The following FARSB variants were observed in gnomAD, a reference collection of about 807,000 sequenced individuals.
The protein encoded by FARSB is phenylalanyl-tRNA synthetase subunit beta.
Under a neutral mutation model 69.6 loss-of-function variants are expected in FARSB, and 40 were observed. That is an observed-to-expected ratio of 0.57 (90% CI 0.45 to 0.75). The LOEUF is 0.75. Among genes scored for constraint, FARSB ranks in the 30% least tolerant of loss-of-function variants. The pLI is 0.00. For synonymous variants in FARSB, 235 were observed against 247.2 expected (o/e 0.95, Z 0.46); for missense variants, 632 against 722.9 (o/e 0.87, Z 1.44).
chr2:222,611,543 G>A (rs1181990995), intron 15 of FARSB, among the ~76,000 whole-genome samples: 1 of 152,002 alleles, frequency 6.6e-6, no homozygotes, highest in Non-Finnish European at 1.5e-5. Context: ...AACCTTCTGG[G>A]CTCAAAAGGT....
At chr2:222,598,359 C>A (rs977245462) in intron 16 of FARSB, among the ~76,000 whole-genome samples, 3 of 152,134 alleles carry the variant, frequency 2.0e-5, no homozygotes, top group Non-Finnish European at 2.9e-5. Flanking sequence ...GGAGAAGTCA[C>A]AATATTAAGA....
intron 5 of FARSB, among the ~76,000 whole-genome samples, chr2:222,636,593 C>G (rs971698576): frequency 6.6e-6 from 1 of 151,884 alleles, no homozygotes; most frequent in African/African-American, 2.4e-5. Context: ...GATTAACATT[C>G]CAAATATAGT....
At chr2:222,622,832 C>G in intron 13 of FARSB, among the ~76,000 whole-genome samples, 1 of 152,100 alleles carries the variant, frequency 6.6e-6, no homozygotes, top group Non-Finnish European at 1.5e-5. Flanking sequence ...TGGTGCAGTG[C>G]CTGACATATA....
intron 14 of FARSB, among the ~76,000 whole-genome samples, chr2:222,619,141 CAA>C (rs1050383356): frequency 2.2e-5 from 3 of 133,898 alleles, no homozygotes; most frequent in Non-Finnish European, 1.6e-5. Context: ...GACTCTGTCT[CAA>C]AAAAAAAAAA....
At position 222,634,561 on chromosome 2, in the gene FARSB, G is replaced by C; in HGVS notation, c.456-20C>G. 7 of 1,584,690 alleles carry C rather than the reference G, an allele frequency of 4.4e-6. No homozygotes were observed. The highest frequency in any genetic ancestry group is 6.0e-6 in the Non-Finnish European group (7 of 1,164,686). On this transcript the variant is annotated intron_variant, in intron 5 of 16. Coordinates refer to ENST00000281828, the MANE Select transcript of FARSB (RefSeq NM_005687.5). Reference sequence around the variant, plus strand: ...CTTTTCCTAATTGTTGAGAGGTTGAGGGAGAAGGAGGGAGGAAAGGAAAGG... The same window carrying C: ...CTTTTCCTAATTGTTGAGAGGTTGACGGAGAAGGAGGGAGGAAAGGAAAGG...
At chr2:222,651,855 G>C (rs947847081) in intron 1 of FARSB, among the ~76,000 whole-genome samples, 1 of 152,200 alleles carries the variant, frequency 6.6e-6, no homozygotes, top group Non-Finnish European at 1.5e-5. Context: ...CCAACCAGCT[G>C]TAAAGCACAT....
At chr2:222,643,635 G>A (rs898603188) in intron 2 of FARSB, among the ~76,000 whole-genome samples, 5 of 152,150 alleles carry the variant, frequency 3.3e-5, no homozygotes, top group African/African-American at 1.2e-4. Context: ...GTCCACATGA[G>A]AATGAGAGGG....
At chr2:222,630,361 C>T (rs139646844) in intron 8 of FARSB, among the ~76,000 whole-genome samples, 187 bp from the exon 9 acceptor site, 33 of 152,268 alleles carry the variant, frequency 2.2e-4, no homozygotes, top group Admixed American at 1.6e-3. Flanking sequence ...TCTGCATTTA[C>T]GCAGTTCTCT....
chr2:222,583,846 C>T (rs1040152785), intron 16 of FARSB, among the ~76,000 whole-genome samples: 41 of 152,114 alleles, frequency 2.7e-4, no homozygotes, highest in Admixed American at 2.4e-3. Flanking sequence ...CCTTTACTCA[C>T]TCTCACCCCC....
At chr2:222,652,022 C>G (rs1253304733) in intron 1 of FARSB, among the ~76,000 whole-genome samples, 4 of 152,182 alleles carry the variant, frequency 2.6e-5, no homozygotes, top group Admixed American at 2.0e-4. Flanking sequence ...TCCTTTGTGT[C>G]TCCCATTTCC....
chr2:222,620,727 T>C (rs993183034), intron 13 of FARSB, among the ~76,000 whole-genome samples: 1 of 152,362 alleles, frequency 6.6e-6, no homozygotes, highest in South Asian at 2.1e-4. Flanking sequence ...CAAAAACTGA[T>C]GTACCATCAG....
rs534074822 is a variant in FARSB at position 222,624,420 on chromosome 2, A to G, written c.1022T>C (p.Ile341Thr). 35 of 1,613,412 alleles carry G rather than the reference A, an allele frequency of 2.2e-5. No homozygotes were observed. Among genetic ancestry groups the G allele is most frequent in the Middle Eastern group, 1.7e-4 (1 of 6,054 alleles). Reference sequence around the variant, plus strand: ...AATCTCAATCTGATTCCCATCACCTATGACTTCTGATTTTAAATACATCCT... The same window carrying G: ...AATCTCAATCTGATTCCCATCACCTGTGACTTCTGATTTTAAATACATCCT... ...LTRMYLKSEVIGDGNQIEIEI... is the reference protein window; with the variant it reads ...LTRMYLKSEVTGDGNQIEIEI... Residue 341 changes from isoleucine (I) to threonine (T), a missense_variant, in exon 12 of 17, where the codon ATA (isoleucine) becomes ACA (threonine). By Grantham distance (89) the Ile-to-Thr change is moderately conservative (BLOSUM62 -1). Coordinates refer to ENST00000281828, the MANE Select transcript of FARSB (RefSeq NM_005687.5).
intron 15 of FARSB, among the ~76,000 whole-genome samples, chr2:222,609,291 T>C (rs1690784421): frequency 6.6e-6 from 1 of 152,224 alleles, no homozygotes; most frequent in Non-Finnish European, 1.5e-5. Flanking sequence ...GGTCCTTTGT[T>C]CCCCAGAAGT....
chr2:222,614,733 G>T (rs1315629418), intron 14 of FARSB, among the ~76,000 whole-genome samples: 1 of 152,118 alleles, frequency 6.6e-6, no homozygotes, highest in Non-Finnish European at 1.5e-5. Context: ...TCAGCTACTC[G>T]GGAGGCTGAG....
At position 222,655,886 on chromosome 2, in the gene FARSB, C is replaced by T. The variant is rs957363051; in HGVS notation, c.58+130G>A. The T allele has an allele frequency of 1.2e-4, 85 of 718,844 alleles. No individual in the cohort carries two copies. In the Admixed American group the frequency reaches 1.9e-3, roughly 16 times the overall value. The allele number at this position is 718,844 out of a possible 1,614,324, so 44.5% of individuals were successfully genotyped here. A position where few individuals can be genotyped will look rare whatever the true frequency, so the allele number is the denominator to read the frequency against. On this transcript the variant is annotated intron_variant, in intron 1 of 16. Coordinates refer to ENST00000281828, the MANE Select transcript of FARSB (RefSeq NM_005687.5). Reference sequence around the variant, plus strand: ...CCGGACCGCCACCATCATCGGCCTTCCCGCGTAAACCCCGGCCTCCCGGAG... The same window carrying T: ...CCGGACCGCCACCATCATCGGCCTTTCCGCGTAAACCCCGGCCTCCCGGAG...
At chr2:222,652,474 T>C (rs1365729938) in intron 1 of FARSB, among the ~76,000 whole-genome samples, 1 of 152,216 alleles carries the variant, frequency 6.6e-6, no homozygotes, top group Non-Finnish European at 1.5e-5. Context: ...ACTTCTGAGC[T>C]GTTATTGAAA....
intron 14 of FARSB, among the ~76,000 whole-genome samples, chr2:222,615,664 T>C (rs1690977655): frequency 6.6e-6 from 1 of 152,180 alleles, no homozygotes; most frequent in Non-Finnish European, 1.5e-5. Context: ...CTACAGAGGT[T>C]TGCCCTGAAC....
At chr2:222,579,131 A>G (rs1689907552) in intron 16 of FARSB, among the ~76,000 whole-genome samples, 1 of 152,226 alleles carries the variant, frequency 6.6e-6, no homozygotes, top group Non-Finnish European at 1.5e-5. Flanking sequence ...CAAGGAGATT[A>G]GGAGGCTTGC....
intron 3 of FARSB, 73 bp downstream of exon 3, chr2:222,642,778 T>C (rs1340809301): frequency 3.4e-6 from 4 of 1,167,492 alleles, no homozygotes; most frequent in African/African-American, 1.5e-5. Flanking sequence ...AATTTAAACA[T>C]GGCTGCTGAT....
Sources: allele counts gnomAD v4.1 joint callset (sites outside exome capture counted in the v4.1 genomes callset), GRCh38; gene constraint gnomAD v4.1.1; transcripts MANE v1.5; gene names NCBI Gene and HGNC (gene_info 2026-07-23, HGNC 2026-07-21).